Variants in TNXB observed in about 807,000 individuals in gnomAD.
TNXB encodes tenascin XB.
TNXB carries 183 observed loss-of-function variants against 340.5 expected under a neutral mutation model. The observed-to-expected ratio is 0.54, with a 90% CI of 0.48 to 0.61. The LOEUF (loss-of-function observed/expected upper bound fraction) is 0.61. Among genes scored for constraint, TNXB ranks in the 20% least tolerant of loss-of-function variants. The pLI, the probability that TNXB is intolerant of heterozygous loss-of-function variation, is 0.00. For missense variants in TNXB, 4,613 were observed against 5,446.4 expected, an observed-to-expected ratio of 0.85 and a Z score of 4.82; for synonymous variants, 2,121 against 2,314.5, an observed-to-expected ratio of 0.92 and a Z score of 2.40.
At position 32,096,792 on chromosome 6, in the gene TNXB, T is replaced by C. The variant is rs776294211; in HGVS notation, c.1061A>G (p.Asp354Gly). ...CCCGGGCCAGCACACGCAGCGGCCG[T>C]CCACGCAGCGCCCGCCCTCGCCACA... ...WDCGEGGRCV[D>G]GRCVCWPGYT... is the part of the protein sequence containing the mutation. The change falls in exon 3 of 44, where the codon GAC becomes GGC. Residue 354 changes from aspartate (D) to glycine (G), a missense_variant. Coordinates refer to ENST00000644971, the MANE Select transcript of TNXB (RefSeq NM_001365276.2). 5.7e-6 allele frequency: 9 copies of C among 1,580,512 alleles called. No homozygotes were observed. The highest frequency in any genetic ancestry group is 7.7e-6 in the Non-Finnish European group (9 of 1,164,964).
intron 1 of TNXB, among the ~76,000 whole-genome samples, chr6:32,103,097 C>T (rs1448527028): frequency 1.3e-5 from 2 of 151,958 alleles, no homozygotes; most frequent in African/African-American, 2.4e-5. Flanking sequence ...TTGAGCTGCA[C>T]ACTTAAGACT....
Position 32,053,653 on chromosome 6 carries a change from G to C in TNXB, c.8526C>G (p.Pro2842=), listed in dbSNP as rs370624838. 9.9e-6 allele frequency: 16 copies of C among 1,613,186 alleles called. No individual in the cohort carries two copies. The Admixed American group carries it at 2.5e-4, about 25-fold the overall frequency. The change falls in exon 25 of 44, where the codon CCC becomes CCG. Residue 2842 remains proline, a synonymous_variant. Coordinates refer to ENST00000644971, the MANE Select transcript of TNXB (RefSeq NM_001365276.2). ...QAVPTTTPEP[P]NKPRLGELTV... ...TCAGCTCCCCGAGGCGAGGCTTGTTGGGGGGCTCAGGGGTTGTGGTGGGCA... is the reference window on the plus strand; with the variant it reads ...TCAGCTCCCCGAGGCGAGGCTTGTTCGGGGGCTCAGGGGTTGTGGTGGGCA...
rs1210054531 is a variant in TNXB at position 32,080,122 on chromosome 6, T to G, written c.4043-757A>C. Among the ~76,000 whole-genome samples, 10 of 152,082 alleles carry G rather than the reference T, an allele frequency of 6.6e-5. No homozygotes were observed. The highest frequency in any genetic ancestry group is 1.3e-4 in the Non-Finnish European group (9 of 68,012). ...GGGAGCAAAAAAGATTACTGGGAAG[T>G]GAGAGAGTCAGGGAGAAATTGCAGC... On this transcript the variant is annotated intron_variant, in intron 10 of 43. Transcript: ENST00000644971. This position sits in a 1 kb window ranked among gnomAD's most constrained non-coding sequence, Gnocchi z 4.3.
chr6:32,062,222 T>C lies in TNXB; in HGVS notation c.7103A>G (p.Lys2368Arg). 6.2e-7 allele frequency: 1 copy of C among 1,613,222 alleles called. No individual in the cohort carries two copies. The highest frequency in any genetic ancestry group is 8.5e-7 in the Non-Finnish European group (1 of 1,179,868). ...ISGLEPDNKY[K>R]MNLYGFHGGQ... ...ACCGTGGAAGCCGTACAGGTTCATC[T>C]TGTACTTGTTGTCTGGCTCCAGGCC... is the stretch of plus-strand genomic sequence containing the variant. Residue 2368 changes from lysine to arginine, a missense_variant, in exon 20 of 44, where the codon AAG (lysine) becomes AGG (arginine). Lys to Arg is a conservative substitution (Grantham distance 26, BLOSUM62 2). This residue lies in a region of TNXB where 4,327 missense variants were observed against 4,859.4 expected (regional missense o/e 0.89). Coordinates refer to ENST00000644971, the MANE Select transcript of TNXB (RefSeq NM_001365276.2). This position sits in a 1 kb window ranked among gnomAD's most constrained non-coding sequence, Gnocchi z 4.3.
At position 32,089,178 on chromosome 6, in the gene TNXB, C is replaced by T. The variant is rs1779963833; in HGVS notation, c.2515+45G>A. ...CGGAGGGCAGATTCCCTCTCTAGTCCAGATCTCCACTCAGGACACCCCTCC... is the reference window on the plus strand; with the variant it reads ...CGGAGGGCAGATTCCCTCTCTAGTCTAGATCTCCACTCAGGACACCCCTCC... On this transcript the variant is annotated intron_variant, in intron 5 of 43. Transcript: ENST00000644971. This position sits in a 1 kb window ranked among gnomAD's most constrained non-coding sequence, Gnocchi z 6.2. The T allele has an allele frequency of 1.9e-6, 3 of 1,569,906 alleles. No homozygotes were observed. The South Asian group carries it at 3.6e-5, about 19-fold the overall frequency.
At position 32,062,547 on chromosome 6, in the gene TNXB, G is replaced by A; in HGVS notation, c.6842-64C>T. On this transcript the variant is annotated intron_variant, in intron 19 of 43. Transcript: ENST00000644971. The surrounding 1 kb of genome is among the most constrained non-coding windows in gnomAD (Gnocchi z 4.3). ...GCCTCCTTTTAACCAAGGGACTCTG[G>A]GATTCTCTTAGACACACCAAGGGCC... 2 of 1,463,890 alleles carry A rather than the reference G, an allele frequency of 1.4e-6. No homozygotes were observed. The highest frequency in any genetic ancestry group is 1.8e-6 in the Non-Finnish European group (2 of 1,088,440). The allele number at this position is 1,463,890 out of a possible 1,614,324, so 90.7% of individuals were successfully genotyped here. A position where few individuals can be genotyped will look rare whatever the true frequency, so the allele number is the denominator to read the frequency against.
intron 1 of TNXB, among the ~76,000 whole-genome samples, chr6:32,098,936 A>G (rs1780570694): frequency 1.3e-5 from 2 of 152,274 alleles, no homozygotes; most frequent in African/African-American, 4.8e-5. Context: ...GCAGTCTTCC[A>G]TTACTCTCTA....
Position 32,081,398 on chromosome 6 carries a change from C to T in TNXB, c.4012G>A (p.Val1338Met). The T allele has an allele frequency of 4.5e-6, 7 of 1,545,218 alleles. No individual in the cohort carries two copies. The highest frequency in any genetic ancestry group is 6.1e-6 in the Non-Finnish European group (7 of 1,143,194). ...NLYGLRGRQRVGPESVVAKTA... is the reference protein window; with the variant it reads ...NLYGLRGRQRMGPESVVAKTA... ...TTGGCCACCACAGACTCGGGCCCCA[C>T]ACGCTGCCTGCCACGAAGCCCGTAG... Residue 1338 changes from valine to methionine, a missense_variant, in exon 10 of 44, where the codon GTG (valine) becomes ATG (methionine). Coordinates refer to ENST00000644971, the MANE Select transcript of TNXB (RefSeq NM_001365276.2). This position sits in a 1 kb window ranked among gnomAD's most constrained non-coding sequence, Gnocchi z 5.1.
chr6:32,041,165 C>G lies in TNXB; in HGVS notation c.*184G>C. The G allele has an allele frequency of 6.4e-7, 1 of 1,553,692 alleles. No individual in the cohort carries two copies. The highest frequency in any genetic ancestry group is 8.8e-7 in the Non-Finnish European group (1 of 1,133,332). Reference sequence around the variant, plus strand: ...CAGGACCGATGCCAGCCGGGTACCTCAGTTTCTCCTTTATTGCTCCCGTAC... The same window carrying G: ...CAGGACCGATGCCAGCCGGGTACCTGAGTTTCTCCTTTATTGCTCCCGTAC... On this transcript the variant is annotated 3_prime_UTR_variant, in exon 44 of 44. Transcript: ENST00000644971.
rs545309809 is a variant in TNXB, at chr6:32,084,357, C to A, written c.3445+56G>T. On this transcript the variant is annotated intron_variant, in intron 8 of 43. Coordinates refer to ENST00000644971, the MANE Select transcript of TNXB (RefSeq NM_001365276.2). This position sits in a 1 kb window ranked among gnomAD's most constrained non-coding sequence, Gnocchi z 5.5. ...GCTCCCAAAGCAGGTTCCCAAAGCA[C>A]TGAGAAAACCTCTTCAGGGCAGTAC... The A allele has an allele frequency of 1.3e-6, 2 of 1,483,800 alleles. No individual in the cohort carries two copies. The highest frequency in any genetic ancestry group is 4.6e-5 in the East Asian group (2 of 43,424). 91.9% of individuals were successfully genotyped at this position (1,483,800 alleles called of 1,614,324 possible).
chr6:32,092,587 G>A (rs1780124440), intron 4 of TNXB, among the ~76,000 whole-genome samples: 1 of 151,890 alleles, frequency 6.6e-6, no homozygotes, highest in Non-Finnish European at 1.5e-5. Context: ...CTACTTGGGA[G>A]GCTGAGGCAG....
rs771259260 is a variant in TNXB at position 32,067,947 on chromosome 6, G to T, written c.6258C>A (p.Ser2086Arg). 1.4e-5 allele frequency: 22 copies of T among 1,612,394 alleles called. No homozygotes were observed. Among genetic ancestry groups the T allele is most frequent in the Non-Finnish European group, 1.7e-5 (20 of 1,179,842 alleles). Residue 2086 changes from serine (S) to arginine (R), a missense_variant, in exon 18 of 44, where the codon AGC becomes AGA. Physicochemically the swap from Ser to Arg is moderately radical, Grantham distance 110. This residue lies in a region of TNXB where 4,327 missense variants were observed against 4,859.4 expected (regional missense o/e 0.89). Transcript: ENST00000644971. The surrounding 1 kb of genome is among the most constrained non-coding windows in gnomAD (Gnocchi z 4.2). ...CCTCAGCGGGCTCCGGGGCCTCCAT[G>T]CTGGGTTCTGTGGGGCTGGGGGTCT... is the stretch of plus-strand genomic sequence containing the variant. ...EEETPSPTEPSMEAPEPAEEP... is the reference protein window; with the variant it reads ...EEETPSPTEPRMEAPEPAEEP...
rs1365273632 is a variant in TNXB at position 32,081,659 on chromosome 6, C to T, written c.3751G>A (p.Glu1251Lys). The T allele has an allele frequency of 6.3e-7, 1 of 1,585,222 alleles. No individual in the cohort carries two copies. Among genetic ancestry groups the T allele is most frequent in the East Asian group, 2.3e-5 (1 of 43,972 alleles). ...AGGAACTCAGGGCGGGGGGGCTCCT[C>T]TTTCCTCTCTGGAGCTGTAAACAAG... is the stretch of plus-strand genomic sequence containing the variant. ...ADGTTAPERKEEPPRPEFLEQ... is the reference protein window; with the variant it reads ...ADGTTAPERKKEPPRPEFLEQ... The change falls in exon 10 of 44, where the codon GAG becomes AAG. Residue 1251 changes from glutamate to lysine, a missense_variant. Glu to Lys is a moderately conservative substitution (Grantham distance 56). This residue lies in a region of TNXB where 4,327 missense variants were observed against 4,859.4 expected (regional missense o/e 0.89). Transcript: ENST00000644971. This position sits in a 1 kb window ranked among gnomAD's most constrained non-coding sequence, Gnocchi z 5.1.
intron 1 of TNXB, among the ~76,000 whole-genome samples, chr6:32,099,521 C>T (rs776790362): frequency 1.3e-5 from 2 of 152,018 alleles, no homozygotes; most frequent in African/African-American, 2.4e-5. Context: ...CATGAGTCAC[C>T]GCACGACCTC....
chr6:32,058,516 T>C lies in TNXB; in HGVS notation c.7493-126A>G. Reference sequence around the variant, plus strand: ...AGCAGGCTGAGGGCTGGGGCAGCTTTGTGTTCGCCGTTCAGTGACTCTTGG... The same window carrying C: ...AGCAGGCTGAGGGCTGGGGCAGCTTCGTGTTCGCCGTTCAGTGACTCTTGG... On this transcript the variant is annotated intron_variant, in intron 21 of 43. Transcript: ENST00000644971. This position sits in a 1 kb window ranked among gnomAD's most constrained non-coding sequence, Gnocchi z 5.1. 1.2e-6 allele frequency: 1 copy of C among 805,420 alleles called. No individual in the cohort carries two copies. 49.9% of individuals were successfully genotyped at this position (805,420 alleles called of 1,614,324 possible).
Position 32,053,601 on chromosome 6 carries a change from G to C in TNXB, c.8578C>G (p.Leu2860Val). ...TCGGGGACCATCCAGGACAGGCTGA[G>C]GGAGTCAGGGGTGGCATCTGTCACG... ...LTVTDATPDS[L>V]SLSWMVPEGQ... Residue 2860 changes from leucine (L) to valine (V), a missense_variant, in exon 25 of 44, where the codon CTC becomes GTC. This residue lies in a region of TNXB where 4,327 missense variants were observed against 4,859.4 expected (regional missense o/e 0.89). Transcript: ENST00000644971. The C allele has an allele frequency of 6.2e-7, 1 of 1,613,684 alleles. No individual in the cohort carries two copies. Among genetic ancestry groups the C allele is most frequent in the Non-Finnish European group, 8.5e-7 (1 of 1,179,866 alleles).
intron 23 of TNXB, among the ~76,000 whole-genome samples, 164 bp from the exon 24 acceptor site, chr6:32,056,338 A>G (rs1157913000): frequency 1.3e-5 from 2 of 152,122 alleles, no homozygotes; most frequent in South Asian, 2.1e-4. Context: ...GCTAACACAC[A>G]TGACAAGTTC....
In TNXB at chr6:32,095,689, C is replaced by A. The variant is rs2127286402; in HGVS notation, c.2164G>T (p.Asp722Tyr). 4 of 1,614,058 alleles carry A rather than the reference C, an allele frequency of 2.5e-6. No individual in the cohort carries two copies. The highest frequency in any genetic ancestry group is 3.4e-6 in the Non-Finnish European group (4 of 1,179,908). Residue 722 changes from aspartate (D) to tyrosine (Y), a missense_variant, in exon 3 of 44, where the codon GAC (aspartate) becomes TAC (tyrosine). This residue lies in a region of TNXB where 4,327 missense variants were observed against 4,859.4 expected (regional missense o/e 0.89). Coordinates refer to ENST00000644971, the MANE Select transcript of TNXB (RefSeq NM_001365276.2). ...PDCAIQTCPGDCRGRGECHDG... is the reference protein window; with the variant it reads ...PDCAIQTCPGYCRGRGECHDG... ...TGACACTCTCCTCGGCCACGGCAGT[C>A]CCCTGGGCATGTCTGGATGGCACAG...
At position 32,062,605 on chromosome 6, in the gene TNXB, A is replaced by C. The variant is rs562750735; in HGVS notation, c.6842-122T>G. The C allele has an allele frequency of 2.1e-6, 2 of 965,972 alleles. No individual in the cohort carries two copies. Among genetic ancestry groups the C allele is most frequent in the African/African-American group, 3.3e-5 (2 of 60,734 alleles). 59.8% of individuals were successfully genotyped at this position (965,972 alleles called of 1,614,324 possible). A position where few individuals can be genotyped will look rare whatever the true frequency, so the allele number is the denominator to read the frequency against. On this transcript the variant is annotated intron_variant, in intron 19 of 43. Coordinates refer to ENST00000644971, the MANE Select transcript of TNXB (RefSeq NM_001365276.2). This position sits in a 1 kb window ranked among gnomAD's most constrained non-coding sequence, Gnocchi z 4.3. ...TGGATGCTGGTGCCCCAAGCTTAGA[A>C]TATCATTTTTCTGCTTTGAATGTTC...
Sources: gnomAD v4.1 joint callset for allele counts (sites outside exome capture counted in the v4.1 genomes callset) on GRCh38, gnomAD v4.1.1 for gene constraint, gnomAD v4.1.1 regional missense constraint, Gnocchi (gnomAD v3.1) non-coding constraint, MANE v1.5 for transcripts, NCBI Gene and HGNC (gene_info 2026-07-23, HGNC 2026-07-21) for gene names.